Variants in FHIT observed in about 807,000 individuals in gnomAD.
FHIT encodes the protein bis(5'-adenosyl)-triphosphatase.
A neutral mutation model predicts 17.9 loss-of-function variants in FHIT; 19 were observed. That is an observed-to-expected ratio of 1.06 (90% CI 0.74 to 1.56). The LOEUF (loss-of-function observed/expected upper bound fraction) is 1.56, where lower values mean the gene tolerates loss of function less well. Ranked by LOEUF, FHIT falls within the 40% of genes most tolerant of loss-of-function variation. The pLI is 0.00. For synonymous variants in FHIT, 81 were observed against 69.7 expected (o/e 1.16, Z -0.81); for missense variants, 248 against 189.2 (o/e 1.31, Z -1.82).
intron 5 of FHIT, among the ~76,000 whole-genome samples, chr3:60,242,463 T>G (rs1705178924): frequency 6.6e-6 from 1 of 152,114 alleles, no homozygotes; most frequent in Non-Finnish European, 1.5e-5. Flanking sequence ...TATTCGTGTG[T>G]ATGTATGTTT....
chr3:60,128,092 T>G (rs932073985), intron 5 of FHIT, among the ~76,000 whole-genome samples: 1 of 152,208 alleles, frequency 6.6e-6, no homozygotes, highest in Non-Finnish European at 1.5e-5. Context: ...TGAAACAACA[T>G]TGAGTATTTA....
chr3:60,532,261 G>A (rs2035814000), intron 5 of FHIT, among the ~76,000 whole-genome samples: 1 of 152,132 alleles, frequency 6.6e-6, no homozygotes, highest in African/African-American at 2.4e-5. Flanking sequence ...GAATAGCAAT[G>A]CAGAGATCAA....
At chr3:61,188,148 T>C (rs2038583319) in intron 2 of FHIT, among the ~76,000 whole-genome samples, 1 of 151,938 alleles carries the variant, frequency 6.6e-6, no homozygotes, top group Non-Finnish European at 1.5e-5. Context: ...CAGGAGCTGG[T>C]TTTTTGAAAA....
chr3:59,953,913 G>GT (rs1318025402), intron 7 of FHIT, among the ~76,000 whole-genome samples: 2 of 152,218 alleles, frequency 1.3e-5, no homozygotes, highest in Non-Finnish European at 2.9e-5. Context: ...GTCAGTTTGA[G>GT]TGTGTTAATG....
intron 5 of FHIT, among the ~76,000 whole-genome samples, chr3:60,323,284 G>C (rs115281679): frequency 1.3e-5 from 2 of 151,966 alleles, no homozygotes; most frequent in African/African-American, 4.8e-5. Context: ...AAGCGTCTAA[G>C]TGCTTGACTA....
intron 4 of FHIT, among the ~76,000 whole-genome samples, chr3:60,716,037 G>T (rs1343494081): frequency 6.6e-6 from 1 of 151,946 alleles, no homozygotes; most frequent in Non-Finnish European, 1.5e-5. Flanking sequence ...GATCACCTGA[G>T]GTCAGGAGTT....
At chr3:61,007,012 T>C (rs987673631) in intron 3 of FHIT, among the ~76,000 whole-genome samples, 1 of 152,240 alleles carries the variant, frequency 6.6e-6, no homozygotes, top group Non-Finnish European at 1.5e-5. Flanking sequence ...ATTTTAATAT[T>C]AATTGTTGCC....
chr3:59,790,528 CTGTGTG>C (rs35731034), intron 8 of FHIT, among the ~76,000 whole-genome samples: 3 of 91,762 alleles, frequency 3.3e-5, no homozygotes, highest in African/African-American at 1.1e-4. Context: ...CTCTCTCTCT[CTGTGTG>C]TGTGTGTGTA....
At chr3:59,824,425 G>T (rs915817772) in intron 8 of FHIT, among the ~76,000 whole-genome samples, 7 of 152,202 alleles carry the variant, frequency 4.6e-5, no homozygotes, top group African/African-American at 1.7e-4. Context: ...CACATGCTAG[G>T]TGTCCAGCAT....
intron 7 of FHIT, among the ~76,000 whole-genome samples, chr3:59,979,159 A>T (rs1708541755): frequency 6.6e-6 from 1 of 152,154 alleles, no homozygotes; most frequent in South Asian, 2.1e-4. Context: ...CTGAGAGAGC[A>T]CAGAGCCAGG....
intron 3 of FHIT, among the ~76,000 whole-genome samples, chr3:60,877,009 T>A (rs1439498716): frequency 6.6e-6 from 1 of 152,146 alleles, no homozygotes; most frequent in Non-Finnish European, 1.5e-5. Context: ...TCCAGTAGCC[T>A]CCACCAACAC....
At chr3:59,993,199 C>T (rs1699363664) in intron 7 of FHIT, among the ~76,000 whole-genome samples, 1 of 152,010 alleles carries the variant, frequency 6.6e-6, no homozygotes, top group Admixed American at 6.6e-5. Context: ...ACTCCTTGGT[C>T]GTTACGACAT....
intron 5 of FHIT, among the ~76,000 whole-genome samples, chr3:60,399,133 A>G (rs182034718): frequency 7.2e-4 from 109 of 152,306 alleles, no homozygotes; most frequent in Non-Finnish European, 1.3e-3. Context: ...CAAGAACTAA[A>G]TAAGTGGCTT....
At chr3:60,188,749 C>T (rs1702272789) in intron 5 of FHIT, among the ~76,000 whole-genome samples, 1 of 152,082 alleles carries the variant, frequency 6.6e-6, no homozygotes, top group South Asian at 2.1e-4. Flanking sequence ...ATTTCCATCT[C>T]AAGTGAAATC....
chr3:61,077,250 G>A (rs2034998081), intron 2 of FHIT, among the ~76,000 whole-genome samples: 1 of 152,122 alleles, frequency 6.6e-6, no homozygotes, highest in Non-Finnish European at 1.5e-5. Context: ...GGACTTGGAA[G>A]AATGTATGAA....
intron 4 of FHIT, among the ~76,000 whole-genome samples, chr3:60,627,336 A>G (rs144224504): frequency 0.019 from 2,969 of 152,262 alleles, 36 homozygotes; most frequent in Middle Eastern, 0.041. Flanking sequence ...ATATATATTC[A>G]GTCTTTTTAC....
chr3:61,007,305 TA>T (rs748670611), intron 3 of FHIT, among the ~76,000 whole-genome samples: 1 of 152,238 alleles, frequency 6.6e-6, no homozygotes, highest in Non-Finnish European at 1.5e-5. Context: ...ACACTCTGCA[TA>T]ACTTACTCCC....
chr3:59,992,705 G>A (rs966846356), intron 7 of FHIT, among the ~76,000 whole-genome samples: 1 of 152,054 alleles, frequency 6.6e-6, no homozygotes, highest in African/African-American at 2.4e-5. Flanking sequence ...AGTGCTTTGT[G>A]CAGAGAACAG....
chr3:60,073,109 T>A (rs867385413), intron 5 of FHIT, among the ~76,000 whole-genome samples: 12 of 152,160 alleles, frequency 7.9e-5, no homozygotes, highest in African/African-American at 2.9e-4. Flanking sequence ...AATTAGAAAA[T>A]TAAACATTAA....
Sources: gnomAD v4.1 joint callset for allele counts (sites outside exome capture counted in the v4.1 genomes callset) on GRCh38, gnomAD v4.1.1 for gene constraint, MANE v1.5 for transcripts, NCBI Gene and HGNC (gene_info 2026-07-23, HGNC 2026-07-21) for gene names.